The following CAT variants were observed in gnomAD, a reference collection of about 807,000 sequenced individuals.
CAT encodes catalase, also known as epididymis secretory sperm binding protein.
CAT carries 43 observed loss-of-function variants against 59.0 expected under a neutral mutation model. The ratio of observed to expected loss-of-function variants is 0.73; its 90% CI spans 0.57 to 0.94. CAT has a LOEUF of 0.94. Ranked by LOEUF, CAT falls within the 40% of genes least tolerant of loss-of-function variation. The probability of loss-of-function intolerance (pLI) is 0.00; values close to 1 mark genes in which losing one functional copy is unlikely to be tolerated. For missense variants in CAT, 664 were observed against 682.9 expected (o/e 0.97, Z 0.31); for synonymous variants, 218 against 230.9 (o/e 0.94, Z 0.51).
chr11:34,462,909 G>A (rs1856666497), intron 9 of CAT, among the ~76,000 whole-genome samples: 1 of 152,212 alleles, frequency 6.6e-6, no homozygotes. Flanking sequence ...CACTGTGATG[G>A]CTGGTTTTTG....
intron 1 of CAT, among the ~76,000 whole-genome samples, chr11:34,447,842 G>T (rs1363116603): frequency 6.6e-6 from 1 of 152,130 alleles, no homozygotes; most frequent in African/African-American, 2.4e-5. Flanking sequence ...TGAAAATGGA[G>T]ACTCATAAAT....
At chr11:34,454,827 T>A (rs1409124504) in intron 6 of CAT, among the ~76,000 whole-genome samples, 1 of 152,238 alleles carries the variant, frequency 6.6e-6, no homozygotes, top group Non-Finnish European at 1.5e-5. Flanking sequence ...CTTGGAGTTA[T>A]GCCAGCCTGA....
At chr11:34,468,241 A>G (rs776381087) in intron 10 of CAT, 47 bp from the exon 11 acceptor site, 1 of 1,348,116 alleles carries the variant, frequency 7.4e-7, no homozygotes, top group Admixed American at 1.7e-5. Flanking sequence ...TTTGTTGGTG[A>G]TAAACTGGTG....
At chr11:34,442,756 G>A (rs895841770) in intron 1 of CAT, among the ~76,000 whole-genome samples, 11 of 152,222 alleles carry the variant, frequency 7.2e-5, no homozygotes, top group African/African-American at 1.4e-4. Context: ...TTTTATGGGC[G>A]TCACTGTCCA....
chr11:34,456,744 A>T lies in CAT; in HGVS notation c.983A>T (p.Glu328Val). The T allele has an allele frequency of 6.2e-7, 1 of 1,614,162 alleles. No individual in the cohort carries two copies. The highest frequency in any genetic ancestry group is 8.5e-7 in the Non-Finnish European group (1 of 1,179,982). The stretch of plus-strand genomic sequence containing the variant: ...CGGAATCCAGTTAATTACTTTGCTG[A>T]GGTTGAACAGATAGCCTTCGACCCA... ...LNRNPVNYFA[E>V]VEQIAFDPSN... The change falls in exon 8 of 13, where the codon GAG becomes GTG. Residue 328 changes from glutamate to valine, a missense_variant. Coordinates refer to ENST00000241052, the MANE Select transcript of CAT (RefSeq NM_001752.4).
At chr11:34,454,068 G>T (rs539218654) in intron 6 of CAT, 142 bp downstream of exon 6, 60 of 818,810 alleles carry the variant, frequency 7.3e-5, no homozygotes, top group African/African-American at 6.7e-4. Flanking sequence ...TGATCTCATT[G>T]ATCAGTACTG....
chr11:34,450,925 G>GT (rs1426480531), intron 2 of CAT, 63 bp from the exon 3 acceptor site: 2 of 1,079,522 alleles, frequency 1.9e-6, no homozygotes, highest in Non-Finnish European at 2.9e-6. Context: ...CCAGGTGCCT[G>GT]TTGAGGACCT....
Position 34,461,323 on chromosome 11 carries a change from T to G in CAT, c.1129T>G (p.Cys377Gly). 6 of 1,614,258 alleles carry G rather than the reference T, an allele frequency of 3.7e-6. No homozygotes were observed. Among genetic ancestry groups the G allele is most frequent in the Non-Finnish European group, 5.1e-6 (6 of 1,180,052 alleles). Reference sequence around the variant, plus strand: ...CAATTATCTTCATATACCTGTGAACTGTCCCTACCGTGCTCGAGTGGCCAA... The same window carrying G: ...CAATTATCTTCATATACCTGTGAACGGTCCCTACCGTGCTCGAGTGGCCAA... ...GPNYLHIPVNCPYRARVANYQ... is the reference protein window; with the variant it reads ...GPNYLHIPVNGPYRARVANYQ... Residue 377 changes from cysteine (C) to glycine (G), a missense_variant, in exon 9 of 13, where the codon TGT (cysteine) becomes GGT (glycine). Cys to Gly is a radical substitution (Grantham distance 159). Transcript: ENST00000241052.
chr11:34,461,719 A>C (rs1856654254), intron 9 of CAT, among the ~76,000 whole-genome samples: 1 of 152,220 alleles, frequency 6.6e-6, no homozygotes, highest in Non-Finnish European at 1.5e-5. Flanking sequence ...TAGGTTTTGA[A>C]GACACTTCAC....
At chr11:34,440,997 G>A (rs1205181848) in intron 1 of CAT, among the ~76,000 whole-genome samples, 1 of 152,166 alleles carries the variant, frequency 6.6e-6, no homozygotes, top group African/African-American at 2.4e-5. Context: ...CACATCTATA[G>A]TTGGGAGGCT....
Position 34,470,951 on chromosome 11 carries a change from G to A in CAT, c.1435-7G>A. ...TAATGCTTGCATTTATTTTCCTTTGGCCTTAGGTCAAGAACTTCACTGAGG... is the reference window on the plus strand; with the variant it reads ...TAATGCTTGCATTTATTTTCCTTTGACCTTAGGTCAAGAACTTCACTGAGG... On this transcript the variant is annotated splice_region_variant and splice_polypyrimidine_tract_variant and intron_variant, in intron 11 of 12. Coordinates refer to ENST00000241052, the MANE Select transcript of CAT (RefSeq NM_001752.4). 6.2e-7 allele frequency: 1 copy of A among 1,611,992 alleles called. No homozygotes were observed.
chr11:34,440,655 C>T (rs1040863853), intron 1 of CAT, among the ~76,000 whole-genome samples: 6 of 151,630 alleles, frequency 4.0e-5, no homozygotes, highest in Middle Eastern at 3.2e-3. Flanking sequence ...CTCCGCCTCC[C>T]GGATTCAAGC....
rs1159252816 is a variant in CAT at position 34,449,204 on chromosome 11, C to T, written c.79C>T (p.Leu27=). 1.2e-6 allele frequency: 2 copies of T among 1,614,146 alleles called. No individual in the cohort carries two copies. Among genetic ancestry groups the T allele is most frequent in the Middle Eastern group, 3.3e-4 (2 of 6,060 alleles). The change falls in exon 2 of 13, where the codon CTG becomes TTG. Residue 27 remains leucine (L), a synonymous_variant. Transcript: ENST00000241052. ...TGTGTTCCTGTAGAAAGCTGATGTC[C>T]TGACCACTGGAGCTGGTAACCCAGT... ...EQRAAQKADV[L]TTGAGNPVGD...
intron 4 of CAT, among the ~76,000 whole-genome samples, chr11:34,452,719 G>A (rs1409720774): frequency 6.6e-6 from 1 of 152,040 alleles, no homozygotes; most frequent in Non-Finnish European, 1.5e-5. Flanking sequence ...GCCAAGTGTG[G>A]TGGCTCATGC....
At chr11:34,458,086 A>G (rs1856611830) in intron 8 of CAT, among the ~76,000 whole-genome samples, 1 of 152,250 alleles carries the variant, frequency 6.6e-6, no homozygotes, top group Non-Finnish European at 1.5e-5. Flanking sequence ...TGATCCAGAA[A>G]GCAAAATTTT....
Position 34,460,446 on chromosome 11 carries a change from C to CCTTTTTTTTTTTTTTTT in CAT, c.1057-805_1057-804insCTTTTTTTTTTTTTTTT, listed in dbSNP as rs764827639. Among the ~76,000 whole-genome samples the CCTTTTTTTTTTTTTTTT allele has an allele frequency of 3.5e-5, 3 of 84,534 alleles. 1 individual carries two copies. The highest frequency in any genetic ancestry group is 1.1e-4 in the African/African-American group (2 of 17,928). The allele number at this position is 84,534 out of a possible 152,430, so 55.5% of individuals were successfully genotyped here. A position where few individuals can be genotyped will look rare whatever the true frequency, so the allele number is the denominator to read the frequency against. Reference sequence around the variant, plus strand: ...GAAGGCAGCATGGGAGTGGGCGGTACTTTTTTTTTTTTTTTTTTTTTTTTT... The same window carrying CCTTTTTTTTTTTTTTTT: ...GAAGGCAGCATGGGAGTGGGCGGTACCTTTTTTTTTTTTTTTTTTTTTTTTTTTTTTTTTTTTTTTTT... On this transcript the variant is annotated intron_variant, in intron 8 of 12. Coordinates refer to ENST00000241052, the MANE Select transcript of CAT (RefSeq NM_001752.4).
intron 1 of CAT, 119 bp from the exon 2 acceptor site, chr11:34,449,073 C>T: frequency 1.1e-6 from 1 of 897,222 alleles, no homozygotes; most frequent in Non-Finnish European, 1.8e-6. Context: ...ACTTTGGACA[C>T]AGGAAATTAA....
At chr11:34,465,633 TGTG>T (rs1856706024) in intron 10 of CAT, among the ~76,000 whole-genome samples, 1 of 152,196 alleles carries the variant, frequency 6.6e-6, no homozygotes, top group South Asian at 2.1e-4. Context: ...TAGGATATAG[TGTG>T]GTTTTTAAGT....
Position 34,451,112 on chromosome 11 carries a change from T to C in CAT, c.349+14T>C. Reference sequence around the variant, plus strand: ...TCTCCACTGTTGGTAAGTTGGTTTATTGGCGTGATTGGTATGGCTTAACTC... The same window carrying C: ...TCTCCACTGTTGGTAAGTTGGTTTACTGGCGTGATTGGTATGGCTTAACTC... On this transcript the variant is annotated intron_variant, in intron 3 of 12. Coordinates refer to ENST00000241052, the MANE Select transcript of CAT (RefSeq NM_001752.4). The C allele has an allele frequency of 7.1e-7, 1 of 1,402,754 alleles. No homozygotes were observed. The highest frequency in any genetic ancestry group is 1.0e-6 in the Non-Finnish European group (1 of 986,654). 86.9% of individuals were successfully genotyped at this position (1,402,754 alleles called of 1,614,324 possible). A position where few individuals can be genotyped will look rare whatever the true frequency, so the allele number is the denominator to read the frequency against.
Sources: allele counts gnomAD v4.1 joint callset (sites outside exome capture counted in the v4.1 genomes callset), GRCh38; gene constraint gnomAD v4.1.1; transcripts MANE v1.5; gene names NCBI Gene and HGNC (gene_info 2026-07-23, HGNC 2026-07-21).